PLD1: variants seen among roughly 807,000 people sequenced by gnomAD.
The protein encoded by PLD1 is choline phosphatase 1.
In PLD1, 112 loss-of-function variants were observed where a neutral mutation model predicts 137.1. The ratio of observed to expected loss-of-function variants is 0.82; its 90% confidence interval spans 0.70 to 0.96. PLD1 has a LOEUF of 0.96. Ranked by LOEUF, PLD1 falls within the 40% of genes least tolerant of loss-of-function variation. The pLI is 0.00. For missense variants in PLD1, 1,321 were observed against 1,342.0 expected, an observed-to-expected ratio of 0.98 and a Z score of 0.24; for synonymous variants, 431 against 454.7, an observed-to-expected ratio of 0.95 and a Z score of 0.66.
intron 24 of PLD1, among the ~76,000 whole-genome samples, chr3:171,615,005 ATAAG>A (rs943240349): frequency 5.3e-5 from 8 of 152,226 alleles, no homozygotes; most frequent in Non-Finnish European, 8.8e-5. Flanking sequence ...ACCACATTAA[ATAAG>A]TGTGTTGGCT....
intron 1 of PLD1, chr3:171,790,024 C>T (rs931038827): frequency 2.0e-5 from 3 of 152,216 alleles, no homozygotes; most frequent in African/African-American, 7.2e-5. Flanking sequence ...CATGCCTTTA[C>T]CTAGTTATTC....
Position 171,806,751 on chromosome 3 carries a change from A to G in PLD1, c.-32+3648T>C, listed in dbSNP as rs142851211. 1.6e-4 allele frequency among the ~76,000 whole-genome samples: 25 copies of G among 152,358 alleles called. No individual in the cohort carries two copies. The East Asian group carries it at 4.8e-3, about 29-fold the overall frequency. On this transcript the variant is annotated intron_variant, in intron 1 of 26. Coordinates refer to ENST00000351298, the MANE Select transcript of PLD1 (RefSeq NM_002662.5). ...CACTACCTGAGCTCAAGCATAGTTTAGATAGGTACTATTTGCACTGCTATA... is the reference window on the plus strand; with the variant it reads ...CACTACCTGAGCTCAAGCATAGTTTGGATAGGTACTATTTGCACTGCTATA...
intron 6 of PLD1, among the ~76,000 whole-genome samples, chr3:171,727,199 G>A (rs73043841): frequency 0.029 from 4,347 of 152,034 alleles, 154 homozygotes; most frequent in African/African-American, 0.084. Flanking sequence ...TTTGGTCCAC[G>A]GGCCCTAGTT....
chr3:171,723,467 C>T (rs913439627), intron 8 of PLD1, among the ~76,000 whole-genome samples: 1 of 152,100 alleles, frequency 6.6e-6, no homozygotes, highest in South Asian at 2.1e-4. Context: ...ATACTGATTT[C>T]CTTCTTTTGG....
chr3:171,645,463 C>T (rs1736124259), intron 21 of PLD1, among the ~76,000 whole-genome samples: 1 of 152,178 alleles, frequency 6.6e-6, no homozygotes, highest in African/African-American at 2.4e-5. Flanking sequence ...AATCAGTTCT[C>T]ATAGCCTAGA....
chr3:171,636,165 T>C (rs983038116), intron 23 of PLD1, among the ~76,000 whole-genome samples: 2 of 151,954 alleles, frequency 1.3e-5, no homozygotes, highest in Non-Finnish European at 2.9e-5. Context: ...TTTATGTCAG[T>C]AGCACACTAT....
At chr3:171,638,733 T>C (rs1735381192) in intron 23 of PLD1, among the ~76,000 whole-genome samples, 1 of 152,222 alleles carries the variant, frequency 6.6e-6, no homozygotes, top group African/African-American at 2.4e-5. Context: ...ATTAATCGTA[T>C]GTATCAATCT....
rs1414530513 is a variant in PLD1, at chr3:171,737,569, T to A, written c.251A>T (p.Gln84Leu). Residue 84 changes from glutamine to leucine, a missense_variant, in exon 3 of 27, where the codon CAA becomes CTA. Coordinates refer to ENST00000351298, the MANE Select transcript of PLD1 (RefSeq NM_002662.5). ...TYLSGCPIKA[Q>L]VLEVERFTST... is the part of the protein sequence containing the mutation. ...TGTGAAGCGTTCCACTTCCAGAACT[T>A]GTGCTTTTATTGGACAGCCGGAGAG... 2 of 1,612,958 alleles carry A rather than the reference T, an allele frequency of 1.2e-6. No individual in the cohort carries two copies. Among genetic ancestry groups the A allele is most frequent in the Non-Finnish European group, 1.7e-6 (2 of 1,179,708 alleles).
rs542976846 is a variant in PLD1 at position 171,602,862 on chromosome 3, C to A, written c.*216G>T. On this transcript the variant is annotated 3_prime_UTR_variant, in exon 27 of 27. Coordinates refer to ENST00000351298, the MANE Select transcript of PLD1 (RefSeq NM_002662.5). ...CATGCTACCAACAAGAATGCAGCCCCCTTTTTACAAGTTAGGCAGAAGGAA... is the reference window on the plus strand; with the variant it reads ...CATGCTACCAACAAGAATGCAGCCCACTTTTTACAAGTTAGGCAGAAGGAA... The A allele has an allele frequency of 1.5e-4, 86 of 568,454 alleles. 1 individual carries two copies. The highest frequency in any genetic ancestry group is 1.4e-3 in the African/African-American group (75 of 53,530). The allele number at this position is 568,454 out of a possible 1,614,324, so 35.2% of individuals were successfully genotyped here. A position where few individuals can be genotyped will look rare whatever the true frequency, so the allele number is the denominator to read the frequency against.
At chr3:171,752,389 T>C (rs1276085062) in intron 1 of PLD1, among the ~76,000 whole-genome samples, 1 of 152,226 alleles carries the variant, frequency 6.6e-6, no homozygotes, top group African/African-American at 2.4e-5. Context: ...TTCTGTGGTC[T>C]CTATCATACA....
chr3:171,621,682 G>A (rs1235565535), intron 23 of PLD1, among the ~76,000 whole-genome samples: 1 of 152,062 alleles, frequency 6.6e-6, no homozygotes, highest in Non-Finnish European at 1.5e-5. Context: ...TGAAATGTTG[G>A]TATACTAGTA....
In PLD1 at chr3:171,770,803, C is replaced by T. The variant is rs138391337; in HGVS notation, c.-31-32721G>A. Among the ~76,000 whole-genome samples, 76 of 147,956 alleles carry T rather than the reference C, an allele frequency of 5.1e-4. 1 individual carries two copies. The highest frequency in any genetic ancestry group is 1.8e-3 in the African/African-American group (73 of 39,738). Reference sequence around the variant, plus strand: ...ATTCAGGAGGTTGAGGTGGGAGGATCGCTTGAGCCCAAGAGGTTGAGACTA... The same window carrying T: ...ATTCAGGAGGTTGAGGTGGGAGGATTGCTTGAGCCCAAGAGGTTGAGACTA... On this transcript the variant is annotated intron_variant, in intron 1 of 26. Coordinates refer to ENST00000351298, the MANE Select transcript of PLD1 (RefSeq NM_002662.5).
At chr3:171,808,736 G>A (rs1486532605) in intron 1 of PLD1, among the ~76,000 whole-genome samples, 4 of 150,744 alleles carry the variant, frequency 2.7e-5, no homozygotes, top group African/African-American at 4.9e-5. Flanking sequence ...ATTGTACAGC[G>A]CTTACTATAG....
intron 1 of PLD1, among the ~76,000 whole-genome samples, chr3:171,804,986 C>T (rs1048727168): frequency 1.3e-5 from 2 of 152,152 alleles, no homozygotes; most frequent in African/African-American, 2.4e-5. Context: ...TATTCCTATT[C>T]TCCTTCATCT....
Position 171,746,910 on chromosome 3 carries a change from C to G in PLD1, c.-31-8828G>C, listed in dbSNP as rs368524299. On this transcript the variant is annotated intron_variant, in intron 1 of 26. Transcript: ENST00000351298. ...GGAAGGTTTGTTCTTTTGCTCTTTGCAATAAATCTTGCTGCTGCTGTTTAG... is the reference window on the plus strand; with the variant it reads ...GGAAGGTTTGTTCTTTTGCTCTTTGGAATAAATCTTGCTGCTGCTGTTTAG... Among the ~76,000 whole-genome samples, 14 of 152,340 alleles carry G rather than the reference C, an allele frequency of 9.2e-5. 1 individual carries two copies. Among genetic ancestry groups the G allele is most frequent in the African/African-American group, 3.4e-4 (14 of 41,576 alleles).
intron 23 of PLD1, among the ~76,000 whole-genome samples, chr3:171,631,935 C>T (rs1734701539): frequency 6.6e-6 from 1 of 152,094 alleles, no homozygotes; most frequent in South Asian, 2.1e-4. Context: ...TTAACGCATG[C>T]TAAAACCAGG....
At chr3:171,793,836 T>A (rs1723316684) in intron 1 of PLD1, 1 of 152,250 alleles carries the variant, frequency 6.6e-6, no homozygotes, top group Non-Finnish European at 1.5e-5. Context: ...ACAGGCATTT[T>A]ATCATCTCAC....
At chr3:171,607,725 C>G (rs1475234028) in intron 25 of PLD1, among the ~76,000 whole-genome samples, 2 of 152,126 alleles carry the variant, frequency 1.3e-5, no homozygotes, top group East Asian at 3.8e-4. Context: ...TCATATCTAT[C>G]ACTTTAAATG....
chr3:171,625,604 G>A (rs1035747092), intron 23 of PLD1, among the ~76,000 whole-genome samples: 49 of 152,318 alleles, frequency 3.2e-4, no homozygotes, highest in African/African-American at 8.2e-4. Context: ...GCACCCCCCC[G>A]TAGGTGCAGA....
Sources: allele counts gnomAD v4.1 joint callset (sites outside exome capture counted in the v4.1 genomes callset), GRCh38; gene constraint gnomAD v4.1.1; transcripts MANE v1.5; gene names NCBI Gene and HGNC (gene_info 2026-07-23, HGNC 2026-07-21).